The following IQCH variants were observed in gnomAD, a reference collection of about 807,000 sequenced individuals.
The protein encoded by IQCH is IQ motif containing H.
A neutral mutation model predicts 117.0 loss-of-function variants in IQCH; 98 were observed. The ratio of observed to expected loss-of-function variants is 0.84; its 90% CI spans 0.71 to 0.99. The LOEUF is 0.99. IQCH is among the 50% of genes least tolerant of loss of function. The pLI is 0.00. For missense variants in IQCH, 1,102 were observed against 1,243.8 expected (o/e 0.89, Z 1.72); for synonymous variants, 412 against 448.2 (o/e 0.92, Z 1.02).
rs2082687655 is a variant in IQCH at position 67,457,507 on chromosome 15, AACCAAGTG to A, written c.2506-7618_2506-7611del. ...AGCAGGCAAGAACACAGAAGTCAAG[AACCAAGTG>A]AATTCTTACACCTGCTCAAACTCTG... is the stretch of plus-strand genomic sequence containing the variant. On this transcript the variant is annotated intron_variant, in intron 16 of 20. Transcript: ENST00000335894. This position sits in a 1 kb window ranked among gnomAD's most constrained non-coding sequence, Gnocchi z 5.7. 6.6e-6 allele frequency among the ~76,000 whole-genome samples: 1 copy of A among 152,224 alleles called. No homozygotes were observed. The highest frequency in any genetic ancestry group is 6.5e-5 in the Admixed American group (1 of 15,292).
rs1971268954 is a variant in IQCH, at chr15:67,391,020, C to T, written c.1632+2014C>T. Among the ~76,000 whole-genome samples the T allele has an allele frequency of 6.6e-6, 1 of 152,124 alleles. No individual in the cohort carries two copies. The highest frequency in any genetic ancestry group is 1.5e-5 in the Non-Finnish European group (1 of 68,020). ...GGCAAGCCCCCTTACTTCTCTGGTC[C>T]TCTGGTCCTCATCTATAAAATGAGA... On this transcript the variant is annotated intron_variant, in intron 12 of 20. Transcript: ENST00000335894. The surrounding 1 kb of genome is among the most constrained non-coding windows in gnomAD (Gnocchi z 4.3).
chr15:67,420,169 C>G (rs1333454886), intron 15 of IQCH, among the ~76,000 whole-genome samples: 2 of 152,208 alleles, frequency 1.3e-5, no homozygotes, highest in Admixed American at 6.5e-5. Flanking sequence ...TATGTACACT[C>G]CAAAATCGGT....
intron 14 of IQCH, among the ~76,000 whole-genome samples, chr15:67,414,848 C>A (rs2081538355): frequency 1.3e-5 from 2 of 151,894 alleles, no homozygotes; most frequent in African/African-American, 2.4e-5. Context: ...TTTCACATTC[C>A]CCAGCAGTGG....
intron 6 of IQCH, among the ~76,000 whole-genome samples, chr15:67,350,147 T>C (rs1969591137): frequency 6.6e-6 from 1 of 152,176 alleles, no homozygotes. Flanking sequence ...TCTCAGCTGA[T>C]GAATTGAGGT....
chr15:67,421,691 A>T, intron 16 of IQCH, 114 bp downstream of exon 16: 1 of 1,080,202 alleles, frequency 9.3e-7, no homozygotes, highest in Non-Finnish European at 1.3e-6. Flanking sequence ...TGATTCTCTG[A>T]TGAACTTGCT....
rs1021296088 is a variant in IQCH, at chr15:67,475,923, G to A, written c.2799+105G>A. On this transcript the variant is annotated intron_variant, in intron 18 of 20. Transcript: ENST00000335894. This position sits in a 1 kb window ranked among gnomAD's most constrained non-coding sequence, Gnocchi z 5.7. ...TTCAGATAGATATTCTTTAAATACC[G>A]GTTTGACGTGTCTGTAGAGGAAGGC... 1.1e-4 allele frequency: 105 copies of A among 991,216 alleles called. 1 individual carries two copies. The Admixed American group carries it at 1.7e-3, about 16-fold the overall frequency. The allele number at this position is 991,216 out of a possible 1,614,324, so 61.4% of individuals were successfully genotyped here.
chr15:67,480,532 A>T (rs996134211), intron 18 of IQCH, among the ~76,000 whole-genome samples: 1 of 152,212 alleles, frequency 6.6e-6, no homozygotes, highest in Non-Finnish European at 1.5e-5. Context: ...TGTTAGAAAC[A>T]ACCAGTAATT....
intron 5 of IQCH, among the ~76,000 whole-genome samples, chr15:67,343,734 AAT>A (rs1229762812): frequency 6.6e-6 from 1 of 152,226 alleles, no homozygotes; most frequent in Non-Finnish European, 1.5e-5. Context: ...TAAAAAGAGT[AAT>A]AATATTACCA....
At chr15:67,355,590 A>C (rs1969859994) in intron 6 of IQCH, among the ~76,000 whole-genome samples, 1 of 141,560 alleles carries the variant, frequency 7.1e-6, no homozygotes, top group African/African-American at 2.7e-5. Context: ...TCTCCATCTC[A>C]AAAAAAAAAA....
At chr15:67,480,788 A>C in intron 18 of IQCH, among the ~76,000 whole-genome samples, 1 of 152,178 alleles carries the variant, frequency 6.6e-6, no homozygotes, top group East Asian at 1.9e-4. Flanking sequence ...ATTACTTGGA[A>C]GGCAAATAAT....
chr15:67,421,487 A>G lies in IQCH; in HGVS notation c.2415A>G (p.Gln805=), dbSNP rs775189267. 6.2e-7 allele frequency: 1 copy of G among 1,614,138 alleles called. No homozygotes were observed. The highest frequency in any genetic ancestry group is 1.1e-5 in the South Asian group (1 of 91,080). Residue 805 remains glutamine (Q), a synonymous_variant, in exon 16 of 21, where the codon CAA becomes CAG. Transcript: ENST00000335894. ...AAGTTCTCACTTATTTGTGCCTCCAAATTGGAAAAGCCTGCAGAATGAGAG... is the reference window on the plus strand; with the variant it reads ...AAGTTCTCACTTATTTGTGCCTCCAGATTGGAAAAGCCTGCAGAATGAGAG... ...DPQVLTYLCL[Q]IGKACRMRDV... is the part of the protein sequence containing the mutation.
chr15:67,324,648 G>C (rs1257798534), intron 4 of IQCH, among the ~76,000 whole-genome samples: 1 of 147,938 alleles, frequency 6.8e-6, no homozygotes, highest in African/African-American at 2.5e-5. Flanking sequence ...AAAATATTTA[G>C]ATCACCTTTA....
rs1355404871 is a variant in IQCH, at chr15:67,501,203, C to T, written c.*457C>T. 6.6e-6 allele frequency: 1 copy of T among 151,894 alleles called. No individual in the cohort carries two copies. The highest frequency in any genetic ancestry group is 2.4e-5 in the African/African-American group (1 of 41,378). The allele number at this position is 151,894 out of a possible 1,614,324, so 9.4% of individuals were successfully genotyped here. ...TTGCTATTTGTCAAAACACAAATGC[C>T]TTTTTTTCAAAGCTTCAAATTATAT... On this transcript the variant is annotated 3_prime_UTR_variant, in exon 21 of 21. Transcript: ENST00000335894. The surrounding 1 kb of genome is among the most constrained non-coding windows in gnomAD (Gnocchi z 5.2).
At chr15:67,392,572 T>G (rs950379340) in intron 12 of IQCH, among the ~76,000 whole-genome samples, 12 of 151,504 alleles carry the variant, frequency 7.9e-5, no homozygotes, top group African/African-American at 2.9e-4. Flanking sequence ...AGCTCAGGAG[T>G]TTGCGACCAG....
intron 6 of IQCH, among the ~76,000 whole-genome samples, chr15:67,345,099 C>T (rs1054520058): frequency 3.3e-5 from 5 of 152,298 alleles, no homozygotes; most frequent in East Asian, 1.9e-4. Context: ...AAGCGATTCT[C>T]CTGCCTCAGC....
chr15:67,313,134 T>G (rs1005183765), intron 4 of IQCH, among the ~76,000 whole-genome samples: 10 of 152,162 alleles, frequency 6.6e-5, no homozygotes. Flanking sequence ...TTTATATAAT[T>G]GATTATTTAT....
At chr15:67,329,821 TACAC>T (rs35445898) in intron 4 of IQCH, among the ~76,000 whole-genome samples, 23 of 148,952 alleles carry the variant, frequency 1.5e-4, no homozygotes, top group East Asian at 5.9e-4. Context: ...GAGTGAATTA[TACAC>T]ACACACACAC....
chr15:67,348,891 A>G (rs965376917), intron 6 of IQCH, among the ~76,000 whole-genome samples: 16 of 152,232 alleles, frequency 1.1e-4, no homozygotes, highest in Admixed American at 2.0e-4. Context: ...ACCGTGTGGT[A>G]TTGGCAAAAG....
chr15:67,409,632 G>A (rs756512904), intron 14 of IQCH, among the ~76,000 whole-genome samples: 20 of 152,162 alleles, frequency 1.3e-4, no homozygotes, highest in African/African-American at 2.9e-4. Context: ...ATTATATACC[G>A]CATTTTCACC....
Sources: allele counts gnomAD v4.1 joint callset (sites outside exome capture counted in the v4.1 genomes callset), GRCh38; gene constraint gnomAD v4.1.1; non-coding constraint Gnocchi (gnomAD v3.1); transcripts MANE v1.5; gene names NCBI Gene and HGNC (gene_info 2026-07-23, HGNC 2026-07-21).